Variants in ZNF704 observed in about 807,000 individuals in gnomAD.
ZNF704 encodes the protein glucocorticoid induced gene 1.
A neutral mutation model predicts 44.7 loss-of-function variants in ZNF704; 10 were observed. That is an observed-to-expected ratio of 0.22 (90% CI 0.14 to 0.38). The LOEUF is 0.38. Ranked by LOEUF, ZNF704 falls within the 10% of genes least tolerant of loss-of-function variation. The pLI, the probability that ZNF704 is intolerant of heterozygous loss-of-function variation, is 1.00. For synonymous variants in ZNF704, 211 were observed against 207.6 expected (o/e 1.02, Z -0.14); for missense variants, 390 against 545.5 (o/e 0.71, Z 2.84).
chr8:80,812,846 A>G (rs1040302066), intron 2 of ZNF704, among the ~76,000 whole-genome samples: 4 of 152,346 alleles, frequency 2.6e-5, no homozygotes, highest in Non-Finnish European at 4.4e-5. Flanking sequence ...CAAATGACCA[A>G]TATCTTGGTT....
At position 80,634,425 on chromosome 8, in the gene ZNF704, AACCTG is replaced by A. The variant is rs940298058; in HGVS notation, c.*6936_*6940del. On this transcript the variant is annotated 3_prime_UTR_variant, in exon 9 of 9. Coordinates refer to ENST00000327835, the MANE Select transcript of ZNF704 (RefSeq NM_001033723.3). ...TGTGAGTTTGTGGGGCTGATGGATG[AACCTG>A]ACCTGACAACTGTGGAATGTGAAAT... 2.0e-5 allele frequency: 3 copies of A among 152,226 alleles called. No individual in the cohort carries two copies. Among genetic ancestry groups the A allele is most frequent in the Admixed American group, 2.0e-4 (3 of 15,278 alleles). 9.4% of individuals were successfully genotyped at this position (152,226 alleles called of 1,614,324 possible). A position where few individuals can be genotyped will look rare whatever the true frequency, so the allele number is the denominator to read the frequency against.
At chr8:80,855,239 T>C (rs571353717) in intron 1 of ZNF704, among the ~76,000 whole-genome samples, 6 of 152,312 alleles carry the variant, frequency 3.9e-5, no homozygotes, top group South Asian at 2.1e-4. Flanking sequence ...TATTTGATTA[T>C]TGATATATGT....
At chr8:80,760,242 T>C (rs777156760) in intron 2 of ZNF704, among the ~76,000 whole-genome samples, 4 of 152,226 alleles carry the variant, frequency 2.6e-5, no homozygotes, top group East Asian at 1.9e-4. Flanking sequence ...ATGTTTTGAA[T>C]GTACAGGTGT....
chr8:80,868,802 C>T (rs916202173), intron 1 of ZNF704, among the ~76,000 whole-genome samples: 3 of 152,130 alleles, frequency 2.0e-5, no homozygotes, highest in Non-Finnish European at 4.4e-5. Context: ...GATTTTTCTG[C>T]CTTCCCTCAC....
chr8:80,677,312 A>G (rs1033191598), intron 4 of ZNF704, among the ~76,000 whole-genome samples: 2 of 152,226 alleles, frequency 1.3e-5, no homozygotes, highest in Non-Finnish European at 2.9e-5. Context: ...CCTTGCAATA[A>G]TATGTCAAGC....
rs1817690878 is a variant in ZNF704, at chr8:80,638,271, C to T, written c.*3095G>A. 1 of 152,162 alleles carries T rather than the reference C, an allele frequency of 6.6e-6. No individual in the cohort carries two copies. Among genetic ancestry groups the T allele is most frequent in the South Asian group, 2.1e-4 (1 of 4,822 alleles). The allele number at this position is 152,162 out of a possible 1,614,324, so 9.4% of individuals were successfully genotyped here. A position where few individuals can be genotyped will look rare whatever the true frequency, so the allele number is the denominator to read the frequency against. On this transcript the variant is annotated 3_prime_UTR_variant, in exon 9 of 9. Transcript: ENST00000327835. Reference sequence around the variant, plus strand: ...GACTTCTTTGGAGAGAGATGAAAAACCTTTTCTGAAGGCTGGGGTGTCAAA... The same window carrying T: ...GACTTCTTTGGAGAGAGATGAAAAATCTTTTCTGAAGGCTGGGGTGTCAAA...
At chr8:80,675,304 G>A (rs545418670) in intron 4 of ZNF704, among the ~76,000 whole-genome samples, 3 of 152,320 alleles carry the variant, frequency 2.0e-5, no homozygotes, top group Admixed American at 2.0e-4. Flanking sequence ...ATGACGGTGT[G>A]TTTAGAATGA....
chr8:80,654,116 C>T lies in ZNF704; in HGVS notation c.1032+5469G>A, dbSNP rs868288657. On this transcript the variant is annotated intron_variant, in intron 7 of 8. Coordinates refer to ENST00000327835, the MANE Select transcript of ZNF704 (RefSeq NM_001033723.3). ...AGGATTCCCTATTTAATAAATGGTG[C>T]TGGGAAAACTGGCTAGCCATATGTA... 4.5e-3 allele frequency among the ~76,000 whole-genome samples: 688 copies of T among 151,852 alleles called. 4 individuals are homozygous for T. The highest frequency in any genetic ancestry group is 0.01 in the Middle Eastern group (3 of 294).
At chr8:80,679,671 T>A (rs1166158315) in intron 4 of ZNF704, among the ~76,000 whole-genome samples, 3 of 152,188 alleles carry the variant, frequency 2.0e-5, no homozygotes, top group Non-Finnish European at 4.4e-5. Flanking sequence ...CTTCTTCATG[T>A]AAAGCAAAGG....
intron 4 of ZNF704, among the ~76,000 whole-genome samples, chr8:80,678,211 G>T (rs1025429326): frequency 6.6e-6 from 1 of 152,214 alleles, no homozygotes; most frequent in Non-Finnish European, 1.5e-5. Context: ...GAAAGTTGCT[G>T]TGGATTTGCA....
chr8:80,771,185 ACTTT>A (rs1323546360), intron 2 of ZNF704, among the ~76,000 whole-genome samples: 9 of 152,146 alleles, frequency 5.9e-5, no homozygotes, highest in Admixed American at 2.0e-4. Context: ...TAACTGTTTT[ACTTT>A]CTTTGACTTT....
At chr8:80,695,576 C>T (rs569254014) in intron 2 of ZNF704, among the ~76,000 whole-genome samples, 1 of 152,296 alleles carries the variant, frequency 6.6e-6, no homozygotes, top group South Asian at 2.1e-4. Flanking sequence ...GACCTTTTTG[C>T]CCCTCTCTCA....
chr8:80,712,856 T>C (rs958968173), intron 2 of ZNF704, among the ~76,000 whole-genome samples: 1 of 146,530 alleles, frequency 6.8e-6, no homozygotes, highest in African/African-American at 2.8e-5. Context: ...TTTTTGTAGA[T>C]GGTTGAAGTA....
intron 1 of ZNF704, among the ~76,000 whole-genome samples, chr8:80,841,649 AT>A (rs1369063185): frequency 2.0e-5 from 3 of 152,242 alleles, no homozygotes; most frequent in Admixed American, 1.3e-4. Context: ...TAAATATTAA[AT>A]TTTTAAACAT....
At chr8:80,799,881 G>A (rs1807869918) in intron 2 of ZNF704, among the ~76,000 whole-genome samples, 1 of 151,990 alleles carries the variant, frequency 6.6e-6, no homozygotes, top group African/African-American at 2.4e-5. Flanking sequence ...CGAGCTAAAG[G>A]AGCATGTCTA....
chr8:80,630,984 T>C lies in ZNF704; in HGVS notation c.*10382A>G, dbSNP rs906948873. On this transcript the variant is annotated 3_prime_UTR_variant, in exon 9 of 9. Coordinates refer to ENST00000327835, the MANE Select transcript of ZNF704 (RefSeq NM_001033723.3). The stretch of plus-strand genomic sequence containing the variant: ...GGACTAGTATGTTTTGGAGATTTTT[T>C]AGTTCTTCCCTAAAAAGCTAAGTCT... 6.6e-6 allele frequency: 1 copy of C among 152,164 alleles called. No homozygotes were observed. Among genetic ancestry groups the C allele is most frequent in the African/African-American group, 2.4e-5 (1 of 41,436 alleles). 9.4% of individuals were successfully genotyped at this position (152,164 alleles called of 1,614,324 possible). A position where few individuals can be genotyped will look rare whatever the true frequency, so the allele number is the denominator to read the frequency against.
intron 2 of ZNF704, among the ~76,000 whole-genome samples, chr8:80,801,413 CA>C: frequency 1.3e-5 from 2 of 152,144 alleles, no homozygotes; most frequent in Middle Eastern, 3.4e-3. Flanking sequence ...ATCACATAAT[CA>C]GAAGTAAAAA....
At chr8:80,883,155 G>A in the ZNF704 span, among the ~76,000 whole-genome samples, 2 of 150,602 alleles carry the variant, frequency 1.3e-5, no homozygotes, top group African/African-American at 2.4e-5. Context: ...GGCTGAAGTG[G>A]GAGAATTGCT....
intron 1 of ZNF704, among the ~76,000 whole-genome samples, chr8:80,836,645 C>T (rs530671486): frequency 6.6e-6 from 1 of 151,860 alleles, no homozygotes; most frequent in South Asian, 2.1e-4. Flanking sequence ...GGACTACAGG[C>T]ATGGTGGTAC....
Sources: gnomAD v4.1 joint callset for allele counts (sites outside exome capture counted in the v4.1 genomes callset) on GRCh38, gnomAD v4.1.1 for gene constraint, MANE v1.5 for transcripts, NCBI Gene and HGNC (gene_info 2026-07-23, HGNC 2026-07-21) for gene names.